Variants in DMD observed in about 807,000 individuals in gnomAD.
DMD encodes the protein mutant dystrophin.
In DMD, 63 loss-of-function variants were observed where a neutral mutation model predicts 330.1. That is an observed-to-expected ratio of 0.19 (90% CI 0.16 to 0.24). DMD has a LOEUF of 0.24. Ranked by LOEUF, DMD falls within the 10% of genes least tolerant of loss-of-function variation. The pLI, the probability that DMD is intolerant of heterozygous loss-of-function variation, is 1.00. For missense variants in DMD, 3,344 were observed against 2,684.1 expected (o/e 1.25, Z -5.43); for synonymous variants, 1,223 against 959.8 (o/e 1.27, Z -5.07).
chrX:31,950,870 T>C (rs1163498953), intron 45 of DMD, among the ~76,000 whole-genome samples: 1 of 107,659 alleles, frequency 9.3e-6, no homozygotes, highest in Non-Finnish European at 1.9e-5. Context: ...TTGGCTCTAA[T>C]ACATTTCTCT....
chrX:32,508,875 A>G (rs992524732), intron 18 of DMD, among the ~76,000 whole-genome samples: 9 of 110,485 alleles, frequency 8.1e-5, no homozygotes, highest in South Asian at 3.9e-4. Context: ...CAGTGGCGCA[A>G]TCTTGGCTCA....
At chrX:32,009,162 T>G (rs756842933) in intron 44 of DMD, among the ~76,000 whole-genome samples, 16 of 111,390 alleles carry the variant, frequency 1.4e-4, no homozygotes, top group Non-Finnish European at 3.0e-4. Context: ...GGAAGAGATA[T>G]CCACAAGATT....
At chrX:32,938,935 CA>C (rs1314124639) in intron 2 of DMD, among the ~76,000 whole-genome samples, 5 of 110,342 alleles carry the variant, frequency 4.5e-5, no homozygotes, top group Non-Finnish European at 9.5e-5. Flanking sequence ...ACAATACTGA[CA>C]ACATTATAAA....
At chrX:32,202,974 A>G (rs1242372651) in intron 44 of DMD, among the ~76,000 whole-genome samples, 1 of 111,987 alleles carries the variant, frequency 8.9e-6, no homozygotes, top group Non-Finnish European at 1.9e-5. Context: ...TTGCTCAAAC[A>G]CATTCTGCAA....
intron 1 of DMD, among the ~76,000 whole-genome samples, chrX:33,269,666 G>A (rs1239366060): frequency 9.0e-6 from 1 of 111,681 alleles, no homozygotes. Context: ...ATTGAGGCAA[G>A]TTCATAGTTA....
chrX:31,817,409 A>C (rs974176654), intron 50 of DMD, among the ~76,000 whole-genome samples: 2 of 111,727 alleles, frequency 1.8e-5, no homozygotes, highest in Admixed American at 9.5e-5. Flanking sequence ...CTACCACAGT[A>C]AAGAAAAAAG....
At chrX:32,172,664 T>C (rs763866796) in intron 44 of DMD, among the ~76,000 whole-genome samples, 6 of 111,844 alleles carry the variant, frequency 5.4e-5, no homozygotes, top group Non-Finnish European at 9.4e-5. Context: ...TTATACTCTA[T>C]AGTGTTCTGA....
chrX:31,627,818 A>G lies in DMD; in HGVS notation c.8072T>C (p.Leu2691Pro), dbSNP rs748485762. ...TTCCAGGTCCAGGGGGAACTGTTGC[A>G]GTAATCTATGAGTTTCTTCCAAAGC... Reference protein sequence around the residue: ...EAALEETHRLLQQFPLDLEKF... With the variant: ...EAALEETHRLPQQFPLDLEKF... The change falls in exon 55 of 79, where the codon CTG becomes CCG. Residue 2691 changes from leucine (L) to proline (P), a missense_variant. Leu to Pro is a moderately conservative substitution (Grantham distance 98). Transcript: ENST00000357033. 8.3e-7 allele frequency: 1 copy of G among 1,210,884 alleles called. No homozygotes were observed. The highest frequency in any genetic ancestry group is 1.7e-5 in the African/African-American group (1 of 57,775).
chrX:32,009,578 A>T (rs768214255), intron 44 of DMD, among the ~76,000 whole-genome samples: 41 of 111,822 alleles, frequency 3.7e-4, no homozygotes, highest in Non-Finnish European at 6.8e-4. Context: ...AGAAAGAAAC[A>T]CTTAAGTCTA....
At chrX:31,164,714 C>G (rs1007263655) in intron 74 of DMD, among the ~76,000 whole-genome samples, 1 of 110,912 alleles carries the variant, frequency 9.0e-6, no homozygotes, top group Non-Finnish European at 1.9e-5. Flanking sequence ...AGTTACCCTC[C>G]GCACAGCTGC....
chrX:31,363,426 G>C (rs1358453733), intron 60 of DMD, among the ~76,000 whole-genome samples: 1 of 92,392 alleles, frequency 1.1e-5, no homozygotes, highest in Non-Finnish European at 2.1e-5. Flanking sequence ...CTGTCACCAG[G>C]CTGGAGTGCA....
intron 29 of DMD, among the ~76,000 whole-genome samples, chrX:32,433,395 C>T (rs1003177070): frequency 2.4e-4 from 27 of 111,495 alleles, no homozygotes; most frequent in African/African-American, 8.8e-4. Flanking sequence ...AACCATATAT[C>T]GGCCGGATGC....
chrX:33,084,299 C>T (rs951292968), intron 1 of DMD, among the ~76,000 whole-genome samples: 2 of 112,367 alleles, frequency 1.8e-5, no homozygotes, highest in Admixed American at 9.4e-5. Context: ...AGGGGTTCAC[C>T]TTGCCCACTG....
In DMD at chrX:32,595,766, T is replaced by G; in HGVS notation, c.1593A>C (p.Glu531Asp). Residue 531 changes from glutamate to aspartate, a missense_variant, in exon 13 of 79, where the codon GAA becomes GAC. Glu to Asp is a conservative substitution (Grantham distance 45). Transcript: ENST00000357033. ...SGDHATAALE[E>D]QLKVLGDRWA... ...AGCAAAATAATCTGACCTTAAGTTGTTCTTCCAAAGCAGCAGTTGCGTGAT... is the reference window on the plus strand; with the variant it reads ...AGCAAAATAATCTGACCTTAAGTTGGTCTTCCAAAGCAGCAGTTGCGTGAT... 1 of 1,209,551 alleles carries G rather than the reference T, an allele frequency of 8.3e-7. No individual in the cohort carries two copies. The highest frequency in any genetic ancestry group is 2.3e-4 in the Middle Eastern group (1 of 4,349).
At chrX:31,200,249 A>G (rs765824918) in intron 67 of DMD, among the ~76,000 whole-genome samples, 11 of 111,821 alleles carry the variant, frequency 9.8e-5, no homozygotes, top group African/African-American at 3.6e-4. Context: ...TATTCTATCC[A>G]GGACTCAGGA....
chrX:31,329,442 G>A (rs1264784283), intron 61 of DMD, among the ~76,000 whole-genome samples: 1 of 112,005 alleles, frequency 8.9e-6, no homozygotes, highest in Non-Finnish European at 1.9e-5. Context: ...GCCAGTCATA[G>A]AAGGATAAAT....
rs189225499 is a variant in DMD, at chrX:32,687,046, C to A, written c.960+10824G>T. Among the ~76,000 whole-genome samples, 519 of 112,253 alleles carry A rather than the reference C, an allele frequency of 4.6e-3. 2 individuals are homozygous for A. Among genetic ancestry groups the A allele is most frequent in the Non-Finnish European group, 7.7e-3 (409 of 53,272 alleles). ...TTAATATTCTTGGTATTAAATTACA[C>A]ATACAAATTATTTCCAAATGGATTT... On this transcript the variant is annotated intron_variant, in intron 9 of 78. Transcript: ENST00000357033.
rs149239069 is a variant in DMD, at chrX:32,658,150, G to A, written c.961-12998C>T. ...AAACATAAATATTCCCATGTAGCCC[G>A]TTTTGGAATTTTGCTTTTTTTCTCA... is the stretch of plus-strand genomic sequence containing the variant. On this transcript the variant is annotated intron_variant, in intron 9 of 78. Transcript: ENST00000357033. Among the ~76,000 whole-genome samples, 296 of 111,051 alleles carry A rather than the reference G, an allele frequency of 2.7e-3. 2 individuals are homozygous for A. In the East Asian group the frequency reaches 0.035, roughly 13 times the overall value.
chrX:32,336,006 T>TTATATATAACGTG (rs1557286332), intron 41 of DMD, among the ~76,000 whole-genome samples: 3 of 92,031 alleles, frequency 3.3e-5, no homozygotes, highest in East Asian at 6.3e-4. Flanking sequence ...ATATATAACG[T>TTATATATAACGTG]TATATATAAC....
Sources: gnomAD v4.1 joint callset for allele counts (sites outside exome capture counted in the v4.1 genomes callset) on GRCh38, gnomAD v4.1.1 for gene constraint, MANE v1.5 for transcripts, NCBI Gene and HGNC (gene_info 2026-07-23, HGNC 2026-07-21) for gene names.